Variants in RAP1GAP2 observed in about 807,000 individuals in gnomAD.
RAP1GAP2 encodes rap1 GTPase-activating protein 2.
A neutral mutation model predicts 95.0 loss-of-function variants in RAP1GAP2; 27 were observed. The observed-to-expected ratio is 0.28, with a 90% confidence interval of 0.21 to 0.39. RAP1GAP2 has a LOEUF of 0.39. Among genes scored for constraint, RAP1GAP2 ranks in the 10% least tolerant of loss-of-function variants. RAP1GAP2 has a pLI of 1.00. For synonymous variants in RAP1GAP2, 373 were observed against 380.9 expected (o/e 0.98, Z 0.24); for missense variants, 771 against 970.0 (o/e 0.79, Z 2.72).
intron 2 of RAP1GAP2, among the ~76,000 whole-genome samples, chr17:2,889,883 ATATATATT>A (rs1567746690): frequency 1.3e-4 from 9 of 69,712 alleles, no homozygotes; most frequent in East Asian, 5.3e-4. Flanking sequence ...ATATATATAT[ATATATATT>A]TTTTTTTTTT....
At chr17:2,811,065 A>G (rs558571499) in intron 2 of RAP1GAP2, among the ~76,000 whole-genome samples, 2 of 152,146 alleles carry the variant, frequency 1.3e-5, no homozygotes, top group South Asian at 4.2e-4. Context: ...CCATTCAACA[A>G]GGTTCACCCC....
At chr17:2,764,158 G>C (rs72817339) in intron 1 of RAP1GAP2, among the ~76,000 whole-genome samples, 13,249 of 152,224 alleles carry the variant, frequency 0.087, 822 homozygotes, top group East Asian at 0.3. Flanking sequence ...TAGGCTGTGC[G>C]CAGTGGCTCA....
chr17:2,849,231 G>C (rs921406579), intron 2 of RAP1GAP2, among the ~76,000 whole-genome samples: 27 of 152,104 alleles, frequency 1.8e-4, no homozygotes, highest in Non-Finnish European at 3.4e-4. Flanking sequence ...AAGACATCTG[G>C]TTTTCATCAA....
chr17:2,762,629 T>C (rs2071277149), intron 1 of RAP1GAP2, among the ~76,000 whole-genome samples: 1 of 151,122 alleles, frequency 6.6e-6, no homozygotes, highest in South Asian at 2.1e-4. Flanking sequence ...TCGAACTCCT[T>C]ACCTCAGATG....
At position 2,902,312 on chromosome 17, in the gene RAP1GAP2, G is replaced by A. The variant is rs1214191180; in HGVS notation, c.81-2972G>A. ...GCTCACTGCAACCTCCACCTCTTGG[G>A]TTCAAGCGATTCTCTTGCCTCAGCC... On this transcript the variant is annotated intron_variant, in intron 2 of 24. Transcript: ENST00000254695. This position sits in a 1 kb window ranked among gnomAD's most constrained non-coding sequence, Gnocchi z 4.1. Among the ~76,000 whole-genome samples the A allele has an allele frequency of 1.3e-5, 2 of 152,102 alleles. No individual in the cohort carries two copies. The highest frequency in any genetic ancestry group is 2.4e-5 in the African/African-American group (1 of 41,412).
In RAP1GAP2 at chr17:2,825,983, G is replaced by GTT. The variant is rs10605718; in HGVS notation, c.80+25447_80+25448dup. Among the ~76,000 whole-genome samples, 43 of 127,594 alleles carry GTT rather than the reference G, an allele frequency of 3.4e-4. No homozygotes were observed. The highest frequency in any genetic ancestry group is 1.1e-3 in the African/African-American group (35 of 32,020). 83.7% of individuals were successfully genotyped at this position (127,594 alleles called of 152,430 possible). Reference sequence around the variant, plus strand: ...TTTTCTTTTTTCTTTCTTTCTTTCTGTTTTTTTTTTTTTTTGAGACGGAGT... The same window carrying GTT: ...TTTTCTTTTTTCTTTCTTTCTTTCTGTTTTTTTTTTTTTTTTTGAGACGGAGT... On this transcript the variant is annotated intron_variant, in intron 2 of 24. Coordinates refer to ENST00000254695, the MANE Select transcript of RAP1GAP2 (RefSeq NM_015085.5). This position sits in a 1 kb window ranked among gnomAD's most constrained non-coding sequence, Gnocchi z 4.1.
At chr17:2,926,771 G>A (rs1049244186) in intron 3 of RAP1GAP2, among the ~76,000 whole-genome samples, 15 of 151,924 alleles carry the variant, frequency 9.9e-5, no homozygotes, top group Admixed American at 9.2e-4. Context: ...TTGAGAGGCC[G>A]AGGCGGGCGG....
At chr17:2,853,127 C>G (rs1438599715) in intron 2 of RAP1GAP2, among the ~76,000 whole-genome samples, 1 of 152,114 alleles carries the variant, frequency 6.6e-6, no homozygotes, top group Non-Finnish European at 1.5e-5. Flanking sequence ...CCGACCCCAG[C>G]CCACTCTGCA....
chr17:3,027,485 A>AG lies in RAP1GAP2; in HGVS notation c.2107+420dup, dbSNP rs958256628. Among the ~76,000 whole-genome samples the AG allele has an allele frequency of 1.3e-5, 2 of 152,016 alleles. No individual in the cohort carries two copies. The highest frequency in any genetic ancestry group is 1.3e-4 in the Admixed American group (2 of 15,270). ...TAATACAAGACGGGGGAAGGGCTGC[A>AG]GGGGGAGGGAACAGCATGTGGAAAG... On this transcript the variant is annotated intron_variant, in intron 22 of 24. Coordinates refer to ENST00000254695, the MANE Select transcript of RAP1GAP2 (RefSeq NM_015085.5). The surrounding 1 kb of genome is among the most constrained non-coding windows in gnomAD (Gnocchi z 5.2).
rs182035422 is a variant in RAP1GAP2, at chr17:2,998,332, G to A, written c.1156G>A (p.Val386Ile). The change falls in exon 14 of 25, where the codon GTC becomes ATC. Residue 386 changes from valine to isoleucine, a missense_variant. Transcript: ENST00000254695. ...CTCCAATTTCTTACATGCCTACATC[G>A]TCGTGCAGGTCGAGACCCCAGGCAC... ...IASNFLHAYI[V>I]VQVETPGTET... is the part of the protein sequence containing the mutation. 30 of 1,613,962 alleles carry A rather than the reference G, an allele frequency of 1.9e-5. No individual in the cohort carries two copies. The Admixed American group carries it at 3.2e-4, about 17-fold the overall frequency.
rs2047461407 is a variant in RAP1GAP2 at position 3,036,198 on chromosome 17, A to C, written c.*2837A>C. The C allele has an allele frequency of 6.6e-6, 1 of 152,254 alleles. No homozygotes were observed. Among genetic ancestry groups the C allele is most frequent in the Admixed American group, 6.5e-5 (1 of 15,286 alleles). The allele number at this position is 152,254 out of a possible 1,614,324, so 9.4% of individuals were successfully genotyped here. ...GATTCAGTGGTTCAGCTTTGTCAGC[A>C]TCATCTCAACACAAGCCTGCTGGCT... On this transcript the variant is annotated 3_prime_UTR_variant, in exon 25 of 25. Coordinates refer to ENST00000254695, the MANE Select transcript of RAP1GAP2 (RefSeq NM_015085.5).
chr17:3,026,474 C>T lies in RAP1GAP2; in HGVS notation c.1980+10C>T, dbSNP rs1227389059. 2 of 1,538,622 alleles carry T rather than the reference C, an allele frequency of 1.3e-6. No individual in the cohort carries two copies. The highest frequency in any genetic ancestry group is 1.2e-5 in the South Asian group (1 of 82,580). On this transcript the variant is annotated intron_variant, in intron 21 of 24. Coordinates refer to ENST00000254695, the MANE Select transcript of RAP1GAP2 (RefSeq NM_015085.5). ...GGAGGGCGACAGTGGGGTAGGTGTG[C>T]CCCGTCCACCCTTGGGCAGGCACTC... is the stretch of plus-strand genomic sequence containing the variant.
rs558379184 is a variant in RAP1GAP2, at chr17:2,811,678, A to G, written c.80+11128A>G. 4.6e-5 allele frequency among the ~76,000 whole-genome samples: 7 copies of G among 152,292 alleles called. No homozygotes were observed. In the South Asian group the frequency reaches 1.4e-3, roughly 32 times the overall value. On this transcript the variant is annotated intron_variant, in intron 2 of 24. Transcript: ENST00000254695. ...TTGCAACCTCTGCCTCCCGGGTTCA[A>G]GTGATTCTCCTGCCTCAGTCTCCCG...
intron 3 of RAP1GAP2, among the ~76,000 whole-genome samples, chr17:2,931,835 C>T (rs1323460312): frequency 1.3e-5 from 2 of 152,158 alleles, no homozygotes; most frequent in Non-Finnish European, 2.9e-5. Context: ...TTCCTCTTCC[C>T]TCTGGTGAGG....
chr17:2,954,399 T>C (rs767697513), intron 3 of RAP1GAP2, among the ~76,000 whole-genome samples: 2 of 151,732 alleles, frequency 1.3e-5, no homozygotes, highest in African/African-American at 2.4e-5. Context: ...CCACCACGCC[T>C]GGCCTTATGT....
chr17:2,952,952 G>A (rs1461032171), intron 3 of RAP1GAP2, among the ~76,000 whole-genome samples: 1 of 151,828 alleles, frequency 6.6e-6, no homozygotes, highest in South Asian at 2.1e-4. Context: ...TTACAGGTGT[G>A]CGCCACCACA....
rs1180715448 is a variant in RAP1GAP2, at chr17:2,963,152, C to T, written c.247-278C>T. The T allele has an allele frequency of 2.2e-5, 12 of 548,146 alleles. No homozygotes were observed. The highest frequency in any genetic ancestry group is 3.8e-5 in the African/African-American group (2 of 51,992). 34.0% of individuals were successfully genotyped at this position (548,146 alleles called of 1,614,324 possible). On this transcript the variant is annotated intron_variant, in intron 5 of 24. Coordinates refer to ENST00000254695, the MANE Select transcript of RAP1GAP2 (RefSeq NM_015085.5). This position sits in a 1 kb window ranked among gnomAD's most constrained non-coding sequence, Gnocchi z 4.8. ...ACTAGGGGTCATTTTCCGGAATGAG[C>T]GTTCTAGGATGAGAAGCTGGTATCA... is the stretch of plus-strand genomic sequence containing the variant.
chr17:2,983,747 T>A (rs2045458959), intron 10 of RAP1GAP2, among the ~76,000 whole-genome samples: 1 of 152,152 alleles, frequency 6.6e-6, no homozygotes, highest in African/African-American at 2.4e-5. Flanking sequence ...TCTTGTCTTT[T>A]TATTTTTAAT....
At chr17:2,962,966 GGCCGTTTGGCC>G in intron 5 of RAP1GAP2, 2 of 525,922 alleles carry the variant, frequency 3.8e-6, no homozygotes, top group Non-Finnish European at 6.6e-6. Context: ...CCTCAGGCTT[GGCCGTTTGGCC>G]CGGCTCTTCC....
Sources: allele counts gnomAD v4.1 joint callset (sites outside exome capture counted in the v4.1 genomes callset), GRCh38; gene constraint gnomAD v4.1.1; non-coding constraint Gnocchi (gnomAD v3.1); transcripts MANE v1.5; gene names NCBI Gene and HGNC (gene_info 2026-07-23, HGNC 2026-07-21).